Variants in OR3A3 observed in about 807,000 individuals in gnomAD.
OR3A3 encodes the protein olfactory receptor 3A3.
For missense variants in OR3A3, 275 were observed against 391.4 expected (o/e 0.70, Z 2.51); for synonymous variants, 103 against 163.9 (o/e 0.63, Z 2.84).
chr17:3,414,268 T>C (rs535312127), intron 2 of OR3A3, among the ~76,000 whole-genome samples: 5 of 152,282 alleles, frequency 3.3e-5, no homozygotes, highest in South Asian at 4.1e-4. Context: ...AGACGGGGTT[T>C]CACCATGTTA....
In OR3A3 at chr17:3,418,851, T is replaced by A. The variant is rs934136418; in HGVS notation, c.-6-1729T>A. On this transcript the variant is annotated intron_variant, in intron 2 of 2. Coordinates refer to ENST00000641141, the Ensembl canonical transcript of OR3A3. ...CTCTAGTCAATAAAGACATTGATAT[T>A]TTTTTGATTCAGAGTTTGACATAAT... is the stretch of plus-strand genomic sequence containing the variant. 5.9e-5 allele frequency among the ~76,000 whole-genome samples: 9 copies of A among 152,298 alleles called. No homozygotes were observed. In the South Asian group the frequency reaches 1.9e-3, roughly 32 times the overall value.
At chr17:3,423,851 T>C (rs1567585416) in exon 3 of OR3A3, 1 of 151,460 alleles carries the variant, frequency 6.6e-6, no homozygotes, top group Non-Finnish European at 1.5e-5. Context: ...GAGAATCGCT[T>C]GAACCCAGAA....
chr17:3,416,644 A>T (rs893151256), intron 2 of OR3A3, among the ~76,000 whole-genome samples: 4 of 152,062 alleles, frequency 2.6e-5, no homozygotes, highest in African/African-American at 9.7e-5. Context: ...ATAAATCATA[A>T]CTTCATAGAA....
At chr17:3,416,127 T>G (rs2072390187) in intron 2 of OR3A3, among the ~76,000 whole-genome samples, 1 of 152,038 alleles carries the variant, frequency 6.6e-6, no homozygotes, top group Admixed American at 6.6e-5. Context: ...AGTTTTATTT[T>G]AACATGTTAG....
chr17:3,417,522 T>C (rs1375881387), intron 2 of OR3A3, among the ~76,000 whole-genome samples: 1 of 152,206 alleles, frequency 6.6e-6, no homozygotes, highest in Non-Finnish European at 1.5e-5. Context: ...TATTTTGTTT[T>C]CTTTTTCCTT....
At chr17:3,413,178 G>A (rs550103996) in intron 2 of OR3A3, among the ~76,000 whole-genome samples, 1 of 152,276 alleles carries the variant, frequency 6.6e-6, no homozygotes, top group African/African-American at 2.4e-5. Flanking sequence ...AATAATATGT[G>A]TGGGAGTTTA....
chr17:3,414,133 G>T (rs373427724), intron 2 of OR3A3, among the ~76,000 whole-genome samples: 3 of 151,874 alleles, frequency 2.0e-5, no homozygotes, highest in Non-Finnish European at 4.4e-5. Flanking sequence ...GTGCAGTGGC[G>T]CAATTTCAGC....
At chr17:3,420,868 A>G (rs747157150) in exon 3 of OR3A3, 1 of 1,550,610 alleles carries the variant, frequency 6.4e-7, no homozygotes, top group Admixed American at 1.7e-5. Flanking sequence ...CAAGTCCACA[A>G]TTTCCTATGA....
At chr17:3,415,819 T>A (rs879619699) in intron 2 of OR3A3, among the ~76,000 whole-genome samples, 2,158 of 146,114 alleles carry the variant, frequency 0.015, 19 homozygotes, top group Middle Eastern at 0.018. Context: ...TTATTATTAT[T>A]ATTATTATTA....
chr17:3,420,465 G>A (rs974999074), intron 2 of OR3A3, 115 bp from the exon 3 acceptor site: 1 of 1,517,748 alleles, frequency 6.6e-7, no homozygotes, highest in Non-Finnish European at 8.9e-7. Flanking sequence ...TTGAGGTGTT[G>A]GAGGAGTGAG....
At chr17:3,413,245 G>A (rs373637106) in intron 2 of OR3A3, among the ~76,000 whole-genome samples, 6 of 152,250 alleles carry the variant, frequency 3.9e-5, no homozygotes, top group East Asian at 3.9e-4. Context: ...AGAGAGACAG[G>A]CAGGAGTGAG....
At chr17:3,424,001 C>A (rs1400971485) in exon 3 of OR3A3, 1 of 151,232 alleles carries the variant, frequency 6.6e-6, no homozygotes, top group Non-Finnish European at 1.5e-5. Flanking sequence ...CAAAGATTTC[C>A]TATATATATG....
chr17:3,416,234 T>A (rs567555953), intron 2 of OR3A3, among the ~76,000 whole-genome samples: 1 of 152,314 alleles, frequency 6.6e-6, no homozygotes, highest in African/African-American at 2.4e-5. Flanking sequence ...ATGGAAAGGA[T>A]CACATAATCT....
intron 2 of OR3A3, among the ~76,000 whole-genome samples, chr17:3,419,257 TTCTC>T (rs1252411572): frequency 1.5e-4 from 23 of 152,342 alleles, no homozygotes; most frequent in Admixed American, 1.2e-3. Context: ...CATGAGTATC[TTCTC>T]TCTGATTCCT....
intron 2 of OR3A3, among the ~76,000 whole-genome samples, chr17:3,413,848 A>AAAACAAAC (rs1555532363): frequency 1.1e-4 from 17 of 151,342 alleles, no homozygotes; most frequent in Non-Finnish European, 2.1e-4. Context: ...CAAAAAACAA[A>AAAACAAAC]AAAAAAAAAC....
chr17:3,415,561 C>CAAAAAAAAAAAAA (rs373566506), intron 2 of OR3A3, among the ~76,000 whole-genome samples: 51 of 110,738 alleles, frequency 4.6e-4, no homozygotes, highest in African/African-American at 1.8e-3. Flanking sequence ...AACTCCAACT[C>CAAAAAAAAAAAAA]AAAAAAAAAA....
At chr17:3,412,656 AGC>A (rs1434584696) in intron 2 of OR3A3, among the ~76,000 whole-genome samples, 2 of 150,388 alleles carry the variant, frequency 1.3e-5, no homozygotes, top group Non-Finnish European at 3.0e-5. Flanking sequence ...CCTGGTTTTA[AGC>A]AATTGTATCT....
At position 3,414,110 on chromosome 17, in the gene OR3A3, C is replaced by T. The variant is rs140933004; in HGVS notation, c.-7+1939C>T. Among the ~76,000 whole-genome samples, 434 of 152,206 alleles carry T rather than the reference C, an allele frequency of 2.9e-3. 21 individuals are homozygous for T. In the East Asian group the frequency reaches 0.069, roughly 24 times the overall value. On this transcript the variant is annotated intron_variant, in intron 2 of 2. Coordinates refer to ENST00000641141, the Ensembl canonical transcript of OR3A3. ...TTTGAGACAGAGTCTCAGACGGAGT[C>T]GCCCAGGCTGGAGTGCAGTGGCGCA...
exon 1 of OR3A3, chr17:3,411,391 G>C (rs1318018024): frequency 6.6e-6 from 1 of 152,544 alleles, no homozygotes; most frequent in Non-Finnish European, 1.5e-5. Flanking sequence ...TCAGGAATTT[G>C]CTTGTCTCTG....
Sources: gnomAD v4.1 joint callset for allele counts (sites outside exome capture counted in the v4.1 genomes callset) on GRCh38, gnomAD v4.1.1 for gene constraint, MANE v1.5 for transcripts, NCBI Gene and HGNC (gene_info 2026-07-23, HGNC 2026-07-21) for gene names.